CREM: variants seen among roughly 807,000 people sequenced by gnomAD.
CREM encodes the protein cAMP-responsive element modulator.
A neutral mutation model predicts 37.3 loss-of-function variants in CREM; 13 were observed. That is an observed-to-expected ratio of 0.35 (90% CI 0.23 to 0.55). The LOEUF is 0.55. CREM is among the 20% of genes least tolerant of loss of function. The pLI, the probability that CREM is intolerant of heterozygous loss-of-function variation, is 0.88. For synonymous variants in CREM, 124 were observed against 120.2 expected, an observed-to-expected ratio of 1.03 and a Z score of -0.21; for missense variants, 296 against 362.3, an observed-to-expected ratio of 0.82 and a Z score of 1.49.
chr10:35,197,281 A>G (rs566366115), intron 6 of CREM, among the ~76,000 whole-genome samples: 2 of 152,232 alleles, frequency 1.3e-5, no homozygotes, highest in African/African-American at 4.8e-5. Flanking sequence ...CTGAAACTTT[A>G]AAATGTCAAA....
intron 3 of CREM, among the ~76,000 whole-genome samples, chr10:35,169,826 C>G (rs560514798): frequency 3.0e-4 from 45 of 152,080 alleles, no homozygotes; most frequent in African/African-American, 1.1e-3. Flanking sequence ...TTGTCAAAGG[C>G]CTTTTCTGCA....
intron 2 of CREM, among the ~76,000 whole-genome samples, chr10:35,147,210 C>T (rs34093691): frequency 0.15 from 22,854 of 151,312 alleles, 1,956 homozygotes; most frequent in East Asian, 0.24. Context: ...ACCACGGTGG[C>T]GCCCGGCTAA....
At chr10:35,192,601 G>A (rs755598365) in intron 6 of CREM, among the ~76,000 whole-genome samples, 10 of 151,950 alleles carry the variant, frequency 6.6e-5, no homozygotes, top group East Asian at 3.9e-4. Flanking sequence ...CGTCCATCTC[G>A]GCATCCTAAA....
At chr10:35,177,365 T>C (rs1388506719) in intron 3 of CREM, among the ~76,000 whole-genome samples, 3 of 152,234 alleles carry the variant, frequency 2.0e-5, no homozygotes, top group South Asian at 4.1e-4. Flanking sequence ...CAAGAAAGTC[T>C]TTCCAACCTC....
chr10:35,175,307 G>A lies in CREM; in HGVS notation c.169-3582G>A, dbSNP rs185714466. Among the ~76,000 whole-genome samples the A allele has an allele frequency of 6.1e-3, 931 of 152,210 alleles. 39 individuals carry two copies. Among genetic ancestry groups the A allele is most frequent in the Admixed American group, 0.054 (821 of 15,286 alleles). Reference sequence around the variant, plus strand: ...TAAAAATACAAACAATTAGCTGAGCGTGGTGGCGGGCACCTGTAGTCCCAG... The same window carrying A: ...TAAAAATACAAACAATTAGCTGAGCATGGTGGCGGGCACCTGTAGTCCCAG... On this transcript the variant is annotated intron_variant, in intron 3 of 7. Coordinates refer to ENST00000685392, the MANE Select transcript of CREM (RefSeq NM_183011.2).
At chr10:35,159,470 C>G (rs944667062) in intron 3 of CREM, among the ~76,000 whole-genome samples, 3 of 152,164 alleles carry the variant, frequency 2.0e-5, no homozygotes, top group African/African-American at 7.2e-5. Flanking sequence ...CAGGACCACA[C>G]AATGGGGAAA....
chr10:35,167,980 A>T (rs11010111), intron 3 of CREM, among the ~76,000 whole-genome samples: 4,570 of 152,222 alleles, frequency 0.03, 228 homozygotes, highest in African/African-American at 0.1. Context: ...ACATGAACTC[A>T]TCCTTTTTTT....
chr10:35,147,544 G>T (rs1325831306), intron 2 of CREM, among the ~76,000 whole-genome samples: 3 of 151,752 alleles, frequency 2.0e-5, no homozygotes, highest in Non-Finnish European at 2.9e-5. Context: ...TTCAATAATT[G>T]GGGCTTGTTT....
intron 1 of CREM, among the ~76,000 whole-genome samples, chr10:35,130,812 A>G (rs983017695): frequency 6.6e-6 from 1 of 152,216 alleles, no homozygotes; most frequent in Non-Finnish European, 1.5e-5. Context: ...AGCAGTTTAC[A>G]ATGTTCGCAG....
rs542127857 is a variant in CREM at position 35,212,208 on chromosome 10, TAGAA to T, written c.*817_*820del. 438 of 155,162 alleles carry T rather than the reference TAGAA, an allele frequency of 2.8e-3. 1 individual carries two copies. The highest frequency in any genetic ancestry group is 9.8e-3 in the African/African-American group (409 of 41,624). 9.6% of individuals were successfully genotyped at this position (155,162 alleles called of 1,614,324 possible). On this transcript the variant is annotated 3_prime_UTR_variant, in exon 8 of 8. Coordinates refer to ENST00000685392, the MANE Select transcript of CREM (RefSeq NM_183011.2). ...CACAAAAAAATACCTCAGGAAAGAA[TAGAA>T]AGAAAGTCTATCTAATGACATGCCT...
chr10:35,188,121 C>G, intron 5 of CREM, 79 bp from the exon 6 acceptor site: 1 of 1,337,734 alleles, frequency 7.5e-7, no homozygotes, highest in Admixed American at 2.5e-5. Context: ...TAAATAGACC[C>G]AGAGTATATT....
At chr10:35,133,151 C>T (rs2089762511) in intron 1 of CREM, among the ~76,000 whole-genome samples, 1 of 151,970 alleles carries the variant, frequency 6.6e-6, no homozygotes, top group African/African-American at 2.4e-5. Context: ...TTTTAGAAAC[C>T]ATCTCAATAA....
intron 1 of CREM, among the ~76,000 whole-genome samples, chr10:35,136,807 T>C (rs1385114608): frequency 4.0e-5 from 6 of 151,554 alleles, no homozygotes; most frequent in Non-Finnish European, 5.9e-5. Context: ...TTTTTTTTTT[T>C]TTTGGGACTC....
rs1468569962 is a variant in CREM, at chr10:35,186,872, TTATA to T, written c.410-1323_410-1320del. ...TATATATGTTATATATAATTATATA[TTATA>T]TATAAAATATAAATAATTATAAAAA... On this transcript the variant is annotated intron_variant, in intron 5 of 7. Coordinates refer to ENST00000685392, the MANE Select transcript of CREM (RefSeq NM_183011.2). 2.1e-4 allele frequency among the ~76,000 whole-genome samples: 23 copies of T among 107,166 alleles called. No individual in the cohort carries two copies. The East Asian group carries it at 5.2e-3, about 24-fold the overall frequency. The allele number at this position is 107,166 out of a possible 152,430, so 70.3% of individuals were successfully genotyped here.
intron 3 of CREM, among the ~76,000 whole-genome samples, chr10:35,173,857 ATTT>A (rs1217577371): frequency 6.6e-6 from 1 of 152,202 alleles, no homozygotes; most frequent in Non-Finnish European, 1.5e-5. Flanking sequence ...GTCATCAGTA[ATTT>A]TTAAGAGTGT....
At chr10:35,147,024 T>G (rs1415448953) in intron 2 of CREM, among the ~76,000 whole-genome samples, 1 of 151,228 alleles carries the variant, frequency 6.6e-6, no homozygotes, top group Non-Finnish European at 1.5e-5. Context: ...AGGGAGTAGT[T>G]TCTATAAGTT....
intron 2 of CREM, 68 bp downstream of exon 2, chr10:35,137,947 T>C (rs999234332): frequency 2.4e-6 from 3 of 1,249,490 alleles, no homozygotes; most frequent in Non-Finnish European, 2.3e-6. Flanking sequence ...GATGAATAAA[T>C]TGATATATAG....
At chr10:35,150,963 T>G (rs2092559845) in intron 3 of CREM, among the ~76,000 whole-genome samples, 1 of 151,988 alleles carries the variant, frequency 6.6e-6, no homozygotes, top group South Asian at 2.1e-4. Flanking sequence ...GGCTTGGAAT[T>G]GAATAGGAGA....
chr10:35,164,819 T>C (rs1365319717), intron 3 of CREM, among the ~76,000 whole-genome samples: 1 of 151,488 alleles, frequency 6.6e-6, no homozygotes, highest in African/African-American at 2.4e-5. Context: ...GGAGCCTGAG[T>C]TGGGTGGATT....
Sources: allele counts gnomAD v4.1 joint callset (sites outside exome capture counted in the v4.1 genomes callset), GRCh38; gene constraint gnomAD v4.1.1; transcripts MANE v1.5; gene names NCBI Gene and HGNC (gene_info 2026-07-23, HGNC 2026-07-21).